The following MMRN1 variants were observed in gnomAD, a reference collection of about 807,000 sequenced individuals.
The protein encoded by MMRN1 is multimerin-1.
Under a neutral mutation model 100.7 loss-of-function variants are expected in MMRN1, and 94 were observed. The ratio of observed to expected loss-of-function variants is 0.93; its 90% CI spans 0.79 to 1.11. MMRN1 has a LOEUF of 1.11. Ranked by LOEUF, MMRN1 falls within the 50% of genes least tolerant of loss-of-function variation. MMRN1 has a pLI of 0.00. For missense variants in MMRN1, 1,606 were observed against 1,439.1 expected (o/e 1.12, Z -1.88); for synonymous variants, 575 against 505.0 (o/e 1.14, Z -1.86).
intron 1 of MMRN1, 148 bp from the exon 2 acceptor site, chr4:89,909,128 T>G: frequency 1.4e-6 from 1 of 721,830 alleles, no homozygotes; most frequent in Non-Finnish European, 2.2e-6. Flanking sequence ...TTCTCTTATA[T>G]TTAAATATTT....
intron 6 of MMRN1, chr4:89,951,369 A>C: frequency 5.4e-6 from 2 of 369,096 alleles, no homozygotes; most frequent in Non-Finnish European, 9.6e-6. Context: ...ATTTCACACC[A>C]ATAAATGTAA....
chr4:89,884,681 A>G (rs1167607732), intron 1 of MMRN1, among the ~76,000 whole-genome samples: 1 of 152,074 alleles, frequency 6.6e-6, no homozygotes, highest in Non-Finnish European at 1.5e-5. Context: ...AGTGCAGCCT[A>G]GAACTCCTGG....
At chr4:89,915,321 A>G (rs1259553953) in intron 3 of MMRN1, among the ~76,000 whole-genome samples, 2 of 151,582 alleles carry the variant, frequency 1.3e-5, no homozygotes, top group East Asian at 3.9e-4. Flanking sequence ...AACACTCTGT[A>G]CCATAAGTGG....
upstream of MMRN1, chr4:89,894,590 A>G (rs886799718): frequency 2.9e-5 from 5 of 170,122 alleles, no homozygotes; most frequent in Admixed American, 1.7e-4. Context: ...TGCACTCTCT[A>G]TCGTGAACCT....
chr4:89,915,848 A>T (rs138457761), intron 3 of MMRN1, among the ~76,000 whole-genome samples: 1 of 151,808 alleles, frequency 6.6e-6, no homozygotes, highest in Non-Finnish European at 1.5e-5. Flanking sequence ...CTGTCCCTGT[A>T]CCTATCGCTT....
intron 6 of MMRN1, among the ~76,000 whole-genome samples, chr4:89,944,192 AT>A (rs1263345105): frequency 6.6e-6 from 1 of 152,006 alleles, no homozygotes; most frequent in Non-Finnish European, 1.5e-5. Flanking sequence ...GTACATTTTA[AT>A]TTTTTTCTCT....
In MMRN1 at chr4:89,936,445, A is replaced by C; in HGVS notation, c.2765A>C (p.Lys922Thr). Residue 922 changes from lysine (K) to threonine (T), a missense_variant, in exon 6 of 8, where the codon AAA becomes ACA. Lys to Thr is a moderately conservative substitution (Grantham distance 78). Transcript: ENST00000264790. ...HLSINFFSLN[K>T]TLHEVLTMCH... Reference sequence around the variant, plus strand: ...TCAATTAACTTCTTTTCGCTTAACAAAACTCTCCACGAAGTTTTAACAATG... The same window carrying C: ...TCAATTAACTTCTTTTCGCTTAACACAACTCTCCACGAAGTTTTAACAATG... The C allele has an allele frequency of 2.5e-6, 4 of 1,611,668 alleles. No individual in the cohort carries two copies. Among genetic ancestry groups the C allele is most frequent in the Non-Finnish European group, 3.4e-6 (4 of 1,179,276 alleles).
In MMRN1 at chr4:89,936,363, C is replaced by A. The variant is rs202062406; in HGVS notation, c.2683C>A (p.Gln895Lys). Residue 895 changes from glutamine to lysine, a missense_variant, in exon 6 of 8, where the codon CAA (glutamine) becomes AAA (lysine). Transcript: ENST00000264790. ...VVTNERDQAL[Q>K]LQVLNSRFKA... is the part of the protein sequence containing the mutation. ...TACAAATGAGAGAGATCAGGCTCTT[C>A]AACTGCAAGTATTAAATTCCAGATT... 608 of 1,610,906 alleles carry A rather than the reference C, an allele frequency of 3.8e-4. No individual in the cohort carries two copies. The highest frequency in any genetic ancestry group is 4.5e-4 in the Non-Finnish European group (536 of 1,179,086).
At chr4:89,947,038 T>C (rs1322892899) in intron 6 of MMRN1, among the ~76,000 whole-genome samples, 2 of 152,116 alleles carry the variant, frequency 1.3e-5, no homozygotes, top group African/African-American at 4.8e-5. Context: ...ATCCCACATT[T>C]TGGGAGGCCA....
At chr4:89,922,198 G>A (rs1205961083) in intron 3 of MMRN1, among the ~76,000 whole-genome samples, 3 of 151,930 alleles carry the variant, frequency 2.0e-5, no homozygotes, top group Non-Finnish European at 4.4e-5. Flanking sequence ...TCCGCCTCCC[G>A]GGTTCAATAG....
chr4:89,933,343 A>G (rs1722500838), intron 5 of MMRN1, among the ~76,000 whole-genome samples: 1 of 152,164 alleles, frequency 6.6e-6, no homozygotes, highest in Non-Finnish European at 1.5e-5. Context: ...CGTCTTCTTC[A>G]GAGCCCTCCA....
chr4:89,894,467 A>C, upstream of MMRN1, among the ~76,000 whole-genome samples: 1 of 152,312 alleles, frequency 6.6e-6, no homozygotes, highest in African/African-American at 2.4e-5. Flanking sequence ...CTTGAACAAA[A>C]TGCAGCTTTC....
At chr4:89,896,281 A>C (rs1003252688) in intron 1 of MMRN1, among the ~76,000 whole-genome samples, 4 of 152,218 alleles carry the variant, frequency 2.6e-5, no homozygotes, top group Non-Finnish European at 5.9e-5. Context: ...TGCTAGTACC[A>C]TGATTATTTT....
At chr4:89,885,139 C>T (rs906412067) in intron 1 of MMRN1, among the ~76,000 whole-genome samples, 4 of 148,764 alleles carry the variant, frequency 2.7e-5, no homozygotes, top group African/African-American at 5.0e-5. Context: ...CCCTCCCTTC[C>T]TCCCTTCCTT....
intron 3 of MMRN1, among the ~76,000 whole-genome samples, chr4:89,919,756 T>C (rs1722030940): frequency 6.6e-6 from 1 of 152,090 alleles, no homozygotes; most frequent in Non-Finnish European, 1.5e-5. Flanking sequence ...CCGAAACAAA[T>C]GCTTTTAAAA....
At chr4:89,908,241 A>G (rs1721632527) in intron 1 of MMRN1, among the ~76,000 whole-genome samples, 2 of 151,478 alleles carry the variant, frequency 1.3e-5, no homozygotes, top group South Asian at 4.1e-4. Flanking sequence ...ATATCACTGC[A>G]TTGTCTACTG....
upstream of MMRN1, among the ~76,000 whole-genome samples, chr4:89,893,891 A>G (rs1444320521): frequency 6.6e-6 from 1 of 152,132 alleles, no homozygotes; most frequent in Non-Finnish European, 1.5e-5. Context: ...GTTAATTGAA[A>G]TCTGAGGATC....
Position 89,918,281 on chromosome 4 carries a change from A to C in MMRN1, c.851-4887A>C, listed in dbSNP as rs565719160. ...TAACTATCTCCAGTTTAATAAGGGG[A>C]ATTTTCTTTTCTCGTAAAGCTGAAA... On this transcript the variant is annotated intron_variant, in intron 3 of 7. Transcript: ENST00000264790. Among the ~76,000 whole-genome samples the C allele has an allele frequency of 2.6e-5, 4 of 151,530 alleles. No individual in the cohort carries two copies. The South Asian group carries it at 8.3e-4, about 32-fold the overall frequency.
chr4:89,917,021 C>T (rs1419351424), intron 3 of MMRN1, among the ~76,000 whole-genome samples: 3 of 151,678 alleles, frequency 2.0e-5, no homozygotes, highest in African/African-American at 4.8e-5. Flanking sequence ...GGAACTATAT[C>T]TTGATGACAT....
Sources: gnomAD v4.1 joint callset for allele counts (sites outside exome capture counted in the v4.1 genomes callset) on GRCh38, gnomAD v4.1.1 for gene constraint, MANE v1.5 for transcripts, NCBI Gene and HGNC (gene_info 2026-07-23, HGNC 2026-07-21) for gene names.